The following CPQ variants were observed in gnomAD, a reference collection of about 807,000 sequenced individuals.
CPQ encodes the protein Ser-Met dipeptidase.
Under a neutral mutation model 45.7 loss-of-function variants are expected in CPQ, and 37 were observed. The observed-to-expected ratio is 0.81, with a 90% CI of 0.62 to 1.07. The LOEUF is 1.07. Among genes scored for constraint, CPQ ranks in the 50% least tolerant of loss-of-function variants. CPQ has a pLI of 0.00. For missense variants in CPQ, 537 were observed against 572.9 expected (o/e 0.94, Z 0.64); for synonymous variants, 186 against 205.8 (o/e 0.90, Z 0.82).
rs116670402 is a variant in CPQ, at chr8:97,120,094, A to T, written c.1256-22926A>T. Among the ~76,000 whole-genome samples the T allele has an allele frequency of 2.8e-3, 434 of 152,342 alleles. 1 individual carries two copies. The highest frequency in any genetic ancestry group is 9.7e-3 in the African/African-American group (402 of 41,576). ...CTAAGAACATACACAAGTAAATAAC[A>T]AAACTTTGTCTAACACGTATAAATA... On this transcript the variant is annotated intron_variant, in intron 7 of 7. Coordinates refer to ENST00000220763, the MANE Select transcript of CPQ (RefSeq NM_016134.4).
chr8:97,093,334 T>TA (rs1339199949), intron 7 of CPQ, among the ~76,000 whole-genome samples: 1 of 152,190 alleles, frequency 6.6e-6, no homozygotes, highest in African/African-American at 2.4e-5. Context: ...CAGAGGAACA[T>TA]AAATTGTTCT....
intron 7 of CPQ, among the ~76,000 whole-genome samples, chr8:97,069,991 T>C (rs976276750): frequency 1.3e-5 from 2 of 152,174 alleles, no homozygotes; most frequent in African/African-American, 4.8e-5. Context: ...AAAGATGATA[T>C]CCTTTACCCA....
At chr8:96,741,650 G>A (rs1483389342) in intron 1 of CPQ, among the ~76,000 whole-genome samples, 7 of 151,910 alleles carry the variant, frequency 4.6e-5, no homozygotes, top group South Asian at 2.1e-4. Context: ...CTTTGGATGC[G>A]TCCCAGAGAT....
intron 7 of CPQ, among the ~76,000 whole-genome samples, chr8:97,142,422 G>A (rs928803016): frequency 2.6e-5 from 4 of 152,140 alleles, no homozygotes; most frequent in African/African-American, 9.7e-5. Context: ...AGGTTGCTGG[G>A]GATGTTATAA....
intron 1 of CPQ, among the ~76,000 whole-genome samples, chr8:96,717,638 C>T (rs891260709): frequency 6.6e-6 from 1 of 151,892 alleles, no homozygotes; most frequent in Non-Finnish European, 1.5e-5. Context: ...TTATGTTACC[C>T]AGGGGAGGTA....
intron 7 of CPQ, among the ~76,000 whole-genome samples, chr8:97,083,138 G>T (rs774476224): frequency 2.0e-5 from 3 of 152,166 alleles, no homozygotes; most frequent in Non-Finnish European, 4.4e-5. Flanking sequence ...AAGGACTATT[G>T]TGAGAATTGA....
chr8:96,772,614 G>A (rs1221449980), intron 1 of CPQ, among the ~76,000 whole-genome samples: 1 of 152,034 alleles, frequency 6.6e-6, no homozygotes, highest in Non-Finnish European at 1.5e-5. Flanking sequence ...ATGGGGGAAG[G>A]GACCCTGCAG....
At chr8:96,838,384 C>A (rs999001850) in intron 3 of CPQ, among the ~76,000 whole-genome samples, 3 of 152,102 alleles carry the variant, frequency 2.0e-5, no homozygotes, top group Admixed American at 2.0e-4. Flanking sequence ...TCTGCAGAGT[C>A]TTCTGCATTC....
chr8:96,913,760 G>A (rs1296119342), intron 4 of CPQ, among the ~76,000 whole-genome samples: 2 of 152,168 alleles, frequency 1.3e-5, no homozygotes, highest in Non-Finnish European at 1.5e-5. Context: ...TCAGTCTAAA[G>A]TCTTGCCTAT....
intron 1 of CPQ, among the ~76,000 whole-genome samples, chr8:96,748,457 A>G (rs1028715437): frequency 6.6e-5 from 10 of 152,108 alleles, no homozygotes; most frequent in Non-Finnish European, 1.5e-4. Flanking sequence ...CTTATTAAAT[A>G]TGAAATAGCT....
chr8:96,749,945 A>G (rs1810237114), intron 1 of CPQ, among the ~76,000 whole-genome samples: 1 of 152,132 alleles, frequency 6.6e-6, no homozygotes, highest in Non-Finnish European at 1.5e-5. Flanking sequence ...AGGTCCCAAA[A>G]TAGGGAACTG....
intron 4 of CPQ, among the ~76,000 whole-genome samples, chr8:96,943,866 T>G (rs923760427): frequency 1.3e-5 from 2 of 152,180 alleles, no homozygotes; most frequent in Non-Finnish European, 2.9e-5. Context: ...AAAGTAATAG[T>G]TATTTGTATT....
chr8:96,900,208 C>G (rs911746358), intron 4 of CPQ, among the ~76,000 whole-genome samples: 1 of 152,098 alleles, frequency 6.6e-6, no homozygotes, highest in Non-Finnish European at 1.5e-5. Flanking sequence ...TAAAGCTCAC[C>G]AAGTCCAACA....
intron 5 of CPQ, among the ~76,000 whole-genome samples, chr8:97,012,173 C>T (rs912560893): frequency 6.6e-6 from 1 of 152,164 alleles, no homozygotes; most frequent in African/African-American, 2.4e-5. Context: ...ATGGATGAAT[C>T]TGATATTCAG....
At chr8:96,890,413 T>C (rs1463319559) in intron 4 of CPQ, among the ~76,000 whole-genome samples, 1 of 152,162 alleles carries the variant, frequency 6.6e-6, no homozygotes, top group African/African-American at 2.4e-5. Context: ...TGGGTCGTAG[T>C]TTTTTACTTG....
At chr8:96,903,320 C>A (rs759849570) in intron 4 of CPQ, among the ~76,000 whole-genome samples, 24 of 152,212 alleles carry the variant, frequency 1.6e-4, no homozygotes, top group Admixed American at 4.6e-4. Flanking sequence ...TAGTTCTTAA[C>A]AGCACTTCAC....
chr8:96,896,744 A>G (rs1812448011), intron 4 of CPQ, among the ~76,000 whole-genome samples: 1 of 152,100 alleles, frequency 6.6e-6, no homozygotes, highest in South Asian at 2.1e-4. Flanking sequence ...CCCATACCTT[A>G]TTTATGTGCA....
intron 3 of CPQ, among the ~76,000 whole-genome samples, chr8:96,870,548 C>A (rs1812053776): frequency 1.3e-5 from 2 of 151,928 alleles, no homozygotes; most frequent in South Asian, 4.2e-4. Flanking sequence ...ATTCAGATTG[C>A]CAGGGTTCAG....
At chr8:96,850,355 A>C (rs1586425654) in intron 3 of CPQ, among the ~76,000 whole-genome samples, 1 of 152,270 alleles carries the variant, frequency 6.6e-6, no homozygotes, top group African/African-American at 2.4e-5. Flanking sequence ...CAGGGAGGCA[A>C]GGCTGACAAA....
Sources: gnomAD v4.1 joint callset for allele counts (sites outside exome capture counted in the v4.1 genomes callset) on GRCh38, gnomAD v4.1.1 for gene constraint, MANE v1.5 for transcripts, NCBI Gene and HGNC (gene_info 2026-07-23, HGNC 2026-07-21) for gene names.